ZBTB41: variants seen among roughly 807,000 people sequenced by gnomAD.
ZBTB41 encodes the protein zinc finger and BTB domain containing 41, also known as zinc finger and BTB domain-containing protein 41.
In ZBTB41, 42 loss-of-function variants were observed where a neutral mutation model predicts 87.6. That is an observed-to-expected ratio of 0.48 (90% CI 0.37 to 0.62). The LOEUF (loss-of-function observed/expected upper bound fraction) is 0.62, where lower values mean the gene tolerates loss of function less well. Ranked by LOEUF, ZBTB41 falls within the 20% of genes least tolerant of loss-of-function variation. The pLI is 0.00. For synonymous variants in ZBTB41, 364 were observed against 364.0 expected (o/e 1.00, Z 0.00); for missense variants, 799 against 1,078.9 (o/e 0.74, Z 3.63).
chr1:197,193,937 T>TG (rs1660094107), intron 2 of ZBTB41, among the ~76,000 whole-genome samples: 1 of 152,224 alleles, frequency 6.6e-6, no homozygotes, highest in South Asian at 2.1e-4. Flanking sequence ...CATTTTTAAC[T>TG]GGGGATTGAC....
rs761598648 is a variant in ZBTB41, at chr1:197,181,077, G to A, written c.1587C>T (p.Asp529=). The A allele has an allele frequency of 3.1e-6, 5 of 1,603,206 alleles. No individual in the cohort carries two copies. Among genetic ancestry groups the A allele is most frequent in the Non-Finnish European group, 4.2e-6 (5 of 1,177,422 alleles). Reference sequence around the variant, plus strand: ...CTATATGACGTTTCAAATTTCCAGTGTCGTTAAACTGGCGACCACATATAT... The same window carrying A: ...CTATATGACGTTTCAAATTTCCAGTATCGTTAAACTGGCGACCACATATAT... ...PCDICGRQFN[D]TGNLKRHIEC... The change falls in exon 6 of 11, where the codon GAC becomes GAT. Residue 529 remains aspartate (D), a synonymous_variant. Transcript: ENST00000367405.
chr1:197,201,065 A>AG (rs1200656511), intron 1 of ZBTB41, among the ~76,000 whole-genome samples, 158 bp downstream of exon 1: 1 of 152,170 alleles, frequency 6.6e-6, no homozygotes, highest in Non-Finnish European at 1.5e-5. Flanking sequence ...CGGCCCCAGG[A>AG]GGGGCGCAGA....
At chr1:197,181,699 A>G (rs1659752306) in intron 5 of ZBTB41, among the ~76,000 whole-genome samples, 1 of 152,206 alleles carries the variant, frequency 6.6e-6, no homozygotes, top group Non-Finnish European at 1.5e-5. Context: ...TATTAGCAAG[A>G]AGATGTCTCA....
chr1:197,176,282 G>T (rs1557979818), intron 8 of ZBTB41, among the ~76,000 whole-genome samples: 1 of 152,014 alleles, frequency 6.6e-6, no homozygotes, highest in African/African-American at 2.4e-5. Flanking sequence ...ATATATCCAT[G>T]TAATATGCAA....
intron 10 of ZBTB41, 136 bp from the exon 11 acceptor site, chr1:197,160,150 A>C: frequency 3.1e-6 from 2 of 653,158 alleles, no homozygotes; most frequent in East Asian, 5.4e-5. Flanking sequence ...ACTATCACAA[A>C]ATGCAGACAG....
chr1:197,189,604 G>A (rs181944723), intron 4 of ZBTB41, among the ~76,000 whole-genome samples: 30 of 152,096 alleles, frequency 2.0e-4, no homozygotes, highest in Admixed American at 1.6e-3. Flanking sequence ...TAAATACGAT[G>A]GTACTCCTCC....
At chr1:197,171,611 G>A (rs749318043) in intron 10 of ZBTB41, among the ~76,000 whole-genome samples, 20 of 151,732 alleles carry the variant, frequency 1.3e-4, no homozygotes, top group Admixed American at 3.9e-4. Context: ...CATTCCCAAC[G>A]GAGAAAAAAG....
At chr1:197,182,868 C>A (rs373177033) in intron 5 of ZBTB41, among the ~76,000 whole-genome samples, 3 of 152,110 alleles carry the variant, frequency 2.0e-5, no homozygotes, top group East Asian at 1.9e-4. Context: ...ATACGCCAGA[C>A]CTATCTGAGT....
intron 10 of ZBTB41, among the ~76,000 whole-genome samples, chr1:197,167,957 T>C (rs1659390298): frequency 2.0e-5 from 3 of 151,884 alleles, no homozygotes; most frequent in Admixed American, 6.6e-5. Context: ...TTATAAAGAC[T>C]AAAAAGGGGA....
Position 197,199,835 on chromosome 1 carries a change from A to G in ZBTB41, c.639T>C (p.Ser213=). The G allele has an allele frequency of 6.2e-7, 1 of 1,610,674 alleles. No individual in the cohort carries two copies. Among genetic ancestry groups the G allele is most frequent in the Non-Finnish European group, 8.5e-7 (1 of 1,178,792 alleles). Residue 213 remains serine (S), a synonymous_variant, in exon 2 of 11, where the codon AGT becomes AGC. Coordinates refer to ENST00000367405, the MANE Select transcript of ZBTB41 (RefSeq NM_194314.3). ...AAGACTTTTTATAACAAAAATGTCT[A>G]CTACAGAATTTGCACTGATGATTAT... is the stretch of plus-strand genomic sequence containing the variant. ...LSNNHQCKFC[S]RHFCYKKSLE... is the part of the protein sequence containing the mutation.
At chr1:197,191,456 CAAAA>C (rs537220441) in intron 3 of ZBTB41, among the ~76,000 whole-genome samples, 23 of 85,280 alleles carry the variant, frequency 2.7e-4, no homozygotes, top group African/African-American at 3.8e-4. Context: ...AGCCCTACTT[CAAAA>C]AAAAAAAAAA....
At position 197,200,603 on chromosome 1, in the gene ZBTB41, GA is replaced by G. The variant is rs1652729998; in HGVS notation, c.-117-14del. The G allele has an allele frequency of 2.5e-6, 2 of 785,046 alleles. No individual in the cohort carries two copies. 48.6% of individuals were successfully genotyped at this position (785,046 alleles called of 1,614,324 possible). Reference sequence around the variant, plus strand: ...AGGGTTTCATGGTCTGCAAAAGAGTGAGAACCACGTAAAATAACTCCATGGC... The same window carrying G: ...AGGGTTTCATGGTCTGCAAAAGAGTGGAACCACGTAAAATAACTCCATGGC... On this transcript the variant is annotated splice_polypyrimidine_tract_variant and intron_variant, in intron 1 of 10. Transcript: ENST00000367405.
rs533068566 is a variant in ZBTB41, at chr1:197,161,861, T to A, written c.2075-1847A>T. On this transcript the variant is annotated intron_variant, in intron 10 of 10. Transcript: ENST00000367405. ...CATTCTATAATTTTTTTAAAAAAAATAAGAACACGACCACAGCAATACTAA... is the reference window on the plus strand; with the variant it reads ...CATTCTATAATTTTTTTAAAAAAAAAAAGAACACGACCACAGCAATACTAA... Among the ~76,000 whole-genome samples, 39 of 152,042 alleles carry A rather than the reference T, an allele frequency of 2.6e-4. 1 individual carries two copies. In the East Asian group the frequency reaches 6.8e-3, roughly 26 times the overall value.
In ZBTB41 at chr1:197,199,336, C is replaced by G; in HGVS notation, c.1120+18G>C. 6 of 1,467,950 alleles carry G rather than the reference C, an allele frequency of 4.1e-6. No individual in the cohort carries two copies. Among genetic ancestry groups the G allele is most frequent in the East Asian group, 2.4e-5 (1 of 41,230 alleles). 90.9% of individuals were successfully genotyped at this position (1,467,950 alleles called of 1,614,324 possible). A position where few individuals can be genotyped will look rare whatever the true frequency, so the allele number is the denominator to read the frequency against. On this transcript the variant is annotated intron_variant, in intron 2 of 10. Transcript: ENST00000367405. ...AAAGTAAGTGATTAGAGATAGAAAA[C>G]CAGTTTTCTTTTCTTACCTATTCGG... is the stretch of plus-strand genomic sequence containing the variant.
chr1:197,189,607 A>G (rs1441254833), intron 4 of ZBTB41, among the ~76,000 whole-genome samples: 2 of 152,064 alleles, frequency 1.3e-5, no homozygotes, highest in African/African-American at 4.8e-5. Context: ...ATACGATGGT[A>G]CTCCTCCTGT....
At chr1:197,182,464 A>G (rs994367002) in intron 5 of ZBTB41, among the ~76,000 whole-genome samples, 32 of 148,878 alleles carry the variant, frequency 2.1e-4, no homozygotes, top group African/African-American at 7.3e-4. Context: ...TTCTATATAG[A>G]CAGTATCTCA....
rs1365987681 is a variant in ZBTB41, at chr1:197,159,111, C to A, written c.*248G>T. On this transcript the variant is annotated 3_prime_UTR_variant, in exon 11 of 11. Coordinates refer to ENST00000367405, the MANE Select transcript of ZBTB41 (RefSeq NM_194314.3). ...TAATAATTGCAAAAAATTTAAGAAACCATTAAAAGTTAGCACTAAATAATC... is the reference window on the plus strand; with the variant it reads ...TAATAATTGCAAAAAATTTAAGAAAACATTAAAAGTTAGCACTAAATAATC... 5 of 387,590 alleles carry A rather than the reference C, an allele frequency of 1.3e-5. No homozygotes were observed. The highest frequency in any genetic ancestry group is 2.3e-5 in the Non-Finnish European group (5 of 218,628). 24.0% of individuals were successfully genotyped at this position (387,590 alleles called of 1,614,324 possible). A position where few individuals can be genotyped will look rare whatever the true frequency, so the allele number is the denominator to read the frequency against.
rs116458647 is a variant in ZBTB41 at position 197,181,215 on chromosome 1, G to A, written c.1547-98C>T. 1,803 of 1,103,976 alleles carry A rather than the reference G, an allele frequency of 1.6e-3. 2 individuals carry two copies. The highest frequency in any genetic ancestry group is 2.0e-3 in the Non-Finnish European group (1,629 of 798,458). The allele number at this position is 1,103,976 out of a possible 1,614,324, so 68.4% of individuals were successfully genotyped here. On this transcript the variant is annotated intron_variant, in intron 5 of 10. Transcript: ENST00000367405. Reference sequence around the variant, plus strand: ...CTGTAAGTTCATGCCTATCCTATTGGTGCATATGTCATAATACACTGCAAT... The same window carrying A: ...CTGTAAGTTCATGCCTATCCTATTGATGCATATGTCATAATACACTGCAAT...
chr1:197,178,326 G>T, intron 7 of ZBTB41, 91 bp downstream of exon 7: 2 of 898,422 alleles, frequency 2.2e-6, no homozygotes, highest in Non-Finnish European at 3.2e-6. Context: ...ACTAAGAAAT[G>T]TTTCAATTCA....
Sources: gnomAD v4.1 joint callset for allele counts (sites outside exome capture counted in the v4.1 genomes callset) on GRCh38, gnomAD v4.1.1 for gene constraint, MANE v1.5 for transcripts, NCBI Gene and HGNC (gene_info 2026-07-23, HGNC 2026-07-21) for gene names.